PCBP2: variants seen among roughly 807,000 people sequenced by gnomAD.
PCBP2 encodes poly(rC) binding protein 2, also known as poly(rC)-binding protein 2.
In PCBP2, 4 loss-of-function variants were observed where a neutral mutation model predicts 50.1. The observed-to-expected ratio is 0.08, with a 90% CI of 0.04 to 0.18. The LOEUF is 0.18. Among genes scored for constraint, PCBP2 ranks in the 10% least tolerant of loss-of-function variants. PCBP2 has a pLI of 1.00. For synonymous variants in PCBP2, 179 were observed against 168.0 expected (o/e 1.07, Z -0.51); for missense variants, 161 against 474.3 (o/e 0.34, Z 6.14).
chr12:53,480,390 CAGG>C lies in PCBP2; in HGVS notation c.*951_*953del, dbSNP rs1451906305. 6.6e-6 allele frequency: 1 copy of C among 152,386 alleles called. No homozygotes were observed. 9.4% of individuals were successfully genotyped at this position (152,386 alleles called of 1,614,324 possible). ...GAGTAGATGCAAAAAAGTGGAGGGG[CAGG>C]AGAACTTCTCCAGACACCTCAGATA... is the stretch of plus-strand genomic sequence containing the variant. On this transcript the variant is annotated 3_prime_UTR_variant, in exon 15 of 15. Transcript: ENST00000546463.
At chr12:53,462,701 G>T in intron 8 of PCBP2, 134 bp downstream of exon 8, 1 of 627,238 alleles carries the variant, frequency 1.6e-6, no homozygotes, top group Non-Finnish European at 2.6e-6. Context: ...CCGGCTTTTA[G>T]TTTTATTTTT....
At chr12:53,464,978 C>T (rs1941711463) in intron 9 of PCBP2, 126 bp downstream of exon 9, 4 of 1,200,134 alleles carry the variant, frequency 3.3e-6, no homozygotes, top group Non-Finnish European at 4.3e-6. Flanking sequence ...TCCACGGGGA[C>T]CTGGACTGAC....
At chr12:53,478,236 G>T (rs1286715735) in intron 14 of PCBP2, among the ~76,000 whole-genome samples, 1 of 152,232 alleles carries the variant, frequency 6.6e-6, no homozygotes, top group Non-Finnish European at 1.5e-5. Context: ...AAGGCCGGGT[G>T]TGGTGGCTCA....
intron 2 of PCBP2, 59 bp from the exon 3 acceptor site, chr12:53,455,288 T>C: frequency 6.7e-7 from 1 of 1,492,418 alleles, no homozygotes; most frequent in Non-Finnish European, 9.1e-7. Flanking sequence ...ATAAAATATA[T>C]TTTTAAAAAG....
chr12:53,471,195 C>CA (rs907007126), intron 13 of PCBP2, among the ~76,000 whole-genome samples: 3 of 151,368 alleles, frequency 2.0e-5, no homozygotes, highest in African/African-American at 7.3e-5. Context: ...ACAGGGAGCA[C>CA]AGAGATACAG....
At chr12:53,476,103 A>G (rs527762038) in intron 14 of PCBP2, 1 of 152,312 alleles carries the variant, frequency 6.6e-6, no homozygotes, top group South Asian at 2.1e-4. Context: ...GACATTAGGT[A>G]TATCTCAGCC....
intron 14 of PCBP2, among the ~76,000 whole-genome samples, chr12:53,478,923 A>T (rs1158919938): frequency 6.6e-6 from 1 of 151,866 alleles, no homozygotes; most frequent in African/African-American, 2.4e-5. Flanking sequence ...CTACACATTG[A>T]TAGAACTCCA....
chr12:53,452,588 C>A (rs1426819700), intron 1 of PCBP2, among the ~76,000 whole-genome samples: 1 of 151,650 alleles, frequency 6.6e-6, no homozygotes, highest in Non-Finnish European at 1.5e-5. Flanking sequence ...TTCCCCCCTC[C>A]CCCCGCCTTT....
intron 8 of PCBP2, 80 bp from the exon 9 acceptor site, chr12:53,464,679 CT>C (rs1307148685): frequency 9.7e-6 from 15 of 1,543,850 alleles, no homozygotes; most frequent in East Asian, 2.5e-5. Flanking sequence ...AAATAAACAA[CT>C]TTTTTTGTGT....
intron 1 of PCBP2, 58 bp downstream of exon 1, chr12:53,452,434 TTC>T (rs1940604002): frequency 6.7e-6 from 1 of 150,262 alleles, no homozygotes; most frequent in Non-Finnish European, 1.5e-5. Context: ...CACTTTTGTC[TTC>T]TTCTTAGCCG....
At chr12:53,466,727 T>G (rs1191588540) in intron 10 of PCBP2, among the ~76,000 whole-genome samples, 1 of 152,144 alleles carries the variant, frequency 6.6e-6, no homozygotes, top group Non-Finnish European at 1.5e-5. Flanking sequence ...TAGTCAGTGG[T>G]GGCGGTGATG....
intron 14 of PCBP2, among the ~76,000 whole-genome samples, chr12:53,473,348 G>T (rs540703755): frequency 3.9e-5 from 6 of 152,330 alleles, no homozygotes; most frequent in African/African-American, 1.4e-4. Context: ...CTCCCAAAGT[G>T]CTGGGATTAC....
At chr12:53,457,070 T>A (rs1941082327) in intron 5 of PCBP2, among the ~76,000 whole-genome samples, 1 of 152,194 alleles carries the variant, frequency 6.6e-6, no homozygotes, top group Admixed American at 6.5e-5. Flanking sequence ...TTTTTTCTTT[T>A]GAGGCAGGGT....
Position 53,460,731 on chromosome 12 carries a change from A to G in PCBP2, c.376-284A>G, listed in dbSNP as rs180896506. The G allele has an allele frequency of 2.1e-3, 629 of 296,868 alleles. 3 individuals carry two copies. The highest frequency in any genetic ancestry group is 2.3e-3 in the Admixed American group (49 of 21,368). 18.4% of individuals were successfully genotyped at this position (296,868 alleles called of 1,614,324 possible). A position where few individuals can be genotyped will look rare whatever the true frequency, so the allele number is the denominator to read the frequency against. Reference sequence around the variant, plus strand: ...CTTTTGCTTCGCCCAGAGAACTATCATTAGTTGAAAGGCAACTATTTAGAA... The same window carrying G: ...CTTTTGCTTCGCCCAGAGAACTATCGTTAGTTGAAAGGCAACTATTTAGAA... On this transcript the variant is annotated intron_variant, in intron 6 of 14. Transcript: ENST00000546463.
intron 8 of PCBP2, 136 bp from the exon 9 acceptor site, chr12:53,464,624 C>G: frequency 8.3e-7 from 1 of 1,203,084 alleles, no homozygotes; most frequent in South Asian, 1.5e-5. Context: ...GATTACAGCT[C>G]GTTTCAAATT....
chr12:53,475,142 C>T (rs1235880718), intron 14 of PCBP2: 1 of 456,036 alleles, frequency 2.2e-6, no homozygotes, highest in Non-Finnish European at 4.4e-6. Context: ...CTTCAGCTAC[C>T]ACCACCACCA....
At chr12:53,456,718 A>G (rs1356418306) in intron 5 of PCBP2, among the ~76,000 whole-genome samples, 2 of 152,208 alleles carry the variant, frequency 1.3e-5, no homozygotes, top group Non-Finnish European at 2.9e-5. Flanking sequence ...AGGTTATCAG[A>G]AGGAAAATAC....
chr12:53,460,948 G>A (rs1262605585), intron 6 of PCBP2, 67 bp from the exon 7 acceptor site: 3 of 1,557,676 alleles, frequency 1.9e-6, no homozygotes, highest in East Asian at 4.5e-5. Flanking sequence ...CTCTGAAATT[G>A]CTGCTGGAGG....
Position 53,479,671 on chromosome 12 carries a change from G to GTTTTTTTTTTTTTTGGTT in PCBP2, c.*241_*242insTTGGTTTTTTTTTTTTTT. 2.5e-5 allele frequency: 5 copies of GTTTTTTTTTTTTTTGGTT among 202,170 alleles called. No individual in the cohort carries two copies. Among genetic ancestry groups the GTTTTTTTTTTTTTTGGTT allele is most frequent in the East Asian group, 1.7e-4 (2 of 11,736 alleles). 12.5% of individuals were successfully genotyped at this position (202,170 alleles called of 1,614,324 possible). A position where few individuals can be genotyped will look rare whatever the true frequency, so the allele number is the denominator to read the frequency against. On this transcript the variant is annotated 3_prime_UTR_variant, in exon 15 of 15. Coordinates refer to ENST00000546463, the MANE Select transcript of PCBP2 (RefSeq NM_031989.5). ...ATTTAGTTTTATAAGCTTCTCCCTG[G>GTTTTTTTTTTTTTTGGTT]TTTTTTTTTTTTGGCTCATGAATTT...
Sources: allele counts gnomAD v4.1 joint callset (sites outside exome capture counted in the v4.1 genomes callset), GRCh38; gene constraint gnomAD v4.1.1; transcripts MANE v1.5; gene names NCBI Gene and HGNC (gene_info 2026-07-23, HGNC 2026-07-21).